The following ABLIM2 variants were observed in gnomAD, a reference collection of about 807,000 sequenced individuals.
ABLIM2 encodes actin-binding LIM protein 2.
Under a neutral mutation model 97.7 loss-of-function variants are expected in ABLIM2, and 53 were observed. The ratio of observed to expected loss-of-function variants is 0.54; its 90% CI spans 0.44 to 0.68. The LOEUF is 0.68. Among genes scored for constraint, ABLIM2 ranks in the 30% least tolerant of loss-of-function variants. ABLIM2 has a pLI of 0.00. For missense variants in ABLIM2, 835 were observed against 867.2 expected, an observed-to-expected ratio of 0.96 and a Z score of 0.47; for synonymous variants, 361 against 345.8, an observed-to-expected ratio of 1.04 and a Z score of -0.49.
In ABLIM2 at chr4:7,970,667, C is replaced by G. The variant is rs1727151725; in HGVS notation, c.1825-3564G>C. 6.6e-6 allele frequency among the ~76,000 whole-genome samples: 1 copy of G among 151,596 alleles called. No individual in the cohort carries two copies. Among genetic ancestry groups the G allele is most frequent in the Non-Finnish European group, 1.5e-5 (1 of 67,884 alleles). On this transcript the variant is annotated intron_variant, in intron 20 of 20. Transcript: ENST00000447017. The surrounding 1 kb of genome is among the most constrained non-coding windows in gnomAD (Gnocchi z 5.3). ...GAGGTGGGTGTGGGAAGCAGAGGTG[C>G]CCTTGGGGATGACTGTGGGGGGGCG...
At chr4:8,042,959 C>T (rs577049743) in intron 9 of ABLIM2, among the ~76,000 whole-genome samples, 13 of 151,970 alleles carry the variant, frequency 8.6e-5, no homozygotes, top group African/African-American at 2.9e-4. Context: ...AAGACCAGCC[C>T]GGGCAACATA....
chr4:8,019,544 G>A lies in ABLIM2; in HGVS notation c.1423+74C>T, dbSNP rs1772016909. The A allele has an allele frequency of 7.0e-7, 1 of 1,420,478 alleles. No homozygotes were observed. The highest frequency in any genetic ancestry group is 1.4e-5 in the African/African-American group (1 of 69,312). 88.0% of individuals were successfully genotyped at this position (1,420,478 alleles called of 1,614,324 possible). On this transcript the variant is annotated intron_variant, in intron 14 of 20. Transcript: ENST00000447017. The surrounding 1 kb of genome is among the most constrained non-coding windows in gnomAD (Gnocchi z 4.3). ...TGCATTTATCAGAACACAACAAAAG[G>A]ATGCATTCAGAAGCAGATGGGTATT...
At chr4:8,057,239 C>T (rs890616025) in intron 7 of ABLIM2, among the ~76,000 whole-genome samples, 3 of 151,954 alleles carry the variant, frequency 2.0e-5, no homozygotes, top group Non-Finnish European at 4.4e-5. Flanking sequence ...GCTGGGATTA[C>T]AGGCATGCGC....
chr4:8,074,089 CAAAAAAAAAAA>C (rs869080154), intron 6 of ABLIM2, among the ~76,000 whole-genome samples: 33 of 45,692 alleles, frequency 7.2e-4, no homozygotes, highest in African/African-American at 2.1e-3. Context: ...CTCTGTCTCA[CAAAAAAAAAAA>C]AAAAAAAAAA....
rs1194078622 is a variant in ABLIM2, at chr4:8,058,653, T to C, written c.763+2314A>G. Among the ~76,000 whole-genome samples, 1 of 152,162 alleles carries C rather than the reference T, an allele frequency of 6.6e-6. No homozygotes were observed. The highest frequency in any genetic ancestry group is 1.5e-5 in the Non-Finnish European group (1 of 68,022). On this transcript the variant is annotated intron_variant, in intron 7 of 20. Coordinates refer to ENST00000447017, the MANE Select transcript of ABLIM2 (RefSeq NM_001130083.2). The surrounding 1 kb of genome is among the most constrained non-coding windows in gnomAD (Gnocchi z 4.2). The stretch of plus-strand genomic sequence containing the variant: ...CAGCACATGGCCCCTGTCCCACCAG[T>C]GCTCGCTGGGACCAGACCCTTGGGT...
chr4:8,018,747 C>T (rs1771314210), intron 14 of ABLIM2, among the ~76,000 whole-genome samples: 1 of 152,222 alleles, frequency 6.6e-6, no homozygotes, highest in Admixed American at 6.5e-5. Context: ...GCTTTAGGTA[C>T]ATCTGGACAA....
At chr4:8,097,015 AG>A (rs1831986697) in intron 3 of ABLIM2, 83 bp downstream of exon 3, 1 of 1,457,300 alleles carries the variant, frequency 6.9e-7, no homozygotes, top group African/African-American at 1.4e-5. Flanking sequence ...GGGAGGGAGC[AG>A]GAGGAAGAAG....
At chr4:7,969,848 T>C (rs1305557145) in intron 20 of ABLIM2, among the ~76,000 whole-genome samples, 1 of 152,016 alleles carries the variant, frequency 6.6e-6, no homozygotes, top group Non-Finnish European at 1.5e-5. Context: ...AAAAGAATCC[T>C]GGTGCTTGCC....
chr4:8,136,127 A>T (rs1282682392), intron 1 of ABLIM2, among the ~76,000 whole-genome samples: 1 of 152,212 alleles, frequency 6.6e-6, no homozygotes, highest in Non-Finnish European at 1.5e-5. Flanking sequence ...CAGCCCTAAG[A>T]AGAAATAAAA....
intron 1 of ABLIM2, among the ~76,000 whole-genome samples, chr4:8,154,107 C>T (rs1255612888): frequency 2.6e-5 from 4 of 151,492 alleles, no homozygotes; most frequent in Admixed American, 1.3e-4. Context: ...GGTCTACAGG[C>T]ACCTGCCACC....
intron 20 of ABLIM2, among the ~76,000 whole-genome samples, chr4:7,982,454 T>A (rs541936136): frequency 6.6e-6 from 1 of 152,342 alleles, no homozygotes; most frequent in East Asian, 1.9e-4. Context: ...AGGGCGGTTG[T>A]GAGGAGTAAC....
At chr4:7,973,740 C>A (rs1231322300) in intron 20 of ABLIM2, among the ~76,000 whole-genome samples, 1 of 152,220 alleles carries the variant, frequency 6.6e-6, no homozygotes, top group Non-Finnish European at 1.5e-5. Flanking sequence ...AGTGTGAATC[C>A]ACGAGCCATG....
At chr4:8,030,933 C>T (rs1234718312) in intron 10 of ABLIM2, among the ~76,000 whole-genome samples, 1 of 152,196 alleles carries the variant, frequency 6.6e-6, no homozygotes, top group African/African-American at 2.4e-5. Flanking sequence ...AACAGCACCA[C>T]CAAGGCCCAC....
rs1578611719 is a variant in ABLIM2, at chr4:8,158,779, C to T, written c.-90G>A. Reference sequence around the variant, plus strand: ...TGCCGCGCCCGCGCTATCCTCCGCCCGCCCGCCGGCTCCGCGCCCGCTCCT... The same window carrying T: ...TGCCGCGCCCGCGCTATCCTCCGCCTGCCCGCCGGCTCCGCGCCCGCTCCT... On this transcript the variant is annotated 5_prime_UTR_variant, in exon 1 of 21. Transcript: ENST00000447017. The T allele has an allele frequency of 8.4e-7, 1 of 1,187,638 alleles. No homozygotes were observed. Among genetic ancestry groups the T allele is most frequent in the East Asian group, 3.4e-5 (1 of 29,396 alleles). 73.6% of individuals were successfully genotyped at this position (1,187,638 alleles called of 1,614,324 possible). A position where few individuals can be genotyped will look rare whatever the true frequency, so the allele number is the denominator to read the frequency against.
Position 8,044,547 on chromosome 4 carries a change from C to T in ABLIM2, c.900+617G>A, listed in dbSNP as rs1483739957. On this transcript the variant is annotated intron_variant, in intron 9 of 20. Coordinates refer to ENST00000447017, the MANE Select transcript of ABLIM2 (RefSeq NM_001130083.2). This position sits in a 1 kb window ranked among gnomAD's most constrained non-coding sequence, Gnocchi z 4.4. ...TAGAATAATCTCCCATCTCGAATCC[C>T]ACCACCCAGAGGAAATTTCTGGTAA... Among the ~76,000 whole-genome samples, 2 of 151,744 alleles carry T rather than the reference C, an allele frequency of 1.3e-5. No individual in the cohort carries two copies. Among genetic ancestry groups the T allele is most frequent in the Admixed American group, 6.6e-5 (1 of 15,222 alleles).
At position 8,150,608 on chromosome 4, in the gene ABLIM2, C is replaced by T. The variant is rs1026254520; in HGVS notation, c.10+8072G>A. ...TCCAGCACAGGGTGCGAGCTCCGTGCCGGAGGCGGGAGGAGCCACTGCTGC... is the reference window on the plus strand; with the variant it reads ...TCCAGCACAGGGTGCGAGCTCCGTGTCGGAGGCGGGAGGAGCCACTGCTGC... On this transcript the variant is annotated intron_variant, in intron 1 of 20. Transcript: ENST00000447017. This position sits in a 1 kb window ranked among gnomAD's most constrained non-coding sequence, Gnocchi z 6.3. 6.6e-6 allele frequency among the ~76,000 whole-genome samples: 1 copy of T among 152,220 alleles called. No homozygotes were observed. The highest frequency in any genetic ancestry group is 6.5e-5 in the Admixed American group (1 of 15,292).
intron 1 of ABLIM2, among the ~76,000 whole-genome samples, chr4:8,116,579 C>T (rs982240388): frequency 3.3e-5 from 5 of 152,194 alleles, no homozygotes; most frequent in African/African-American, 4.8e-5. Context: ...GTTGCACATC[C>T]GGGGACTATG....
chr4:7,988,646 AT>A (rs1303176352), intron 17 of ABLIM2, among the ~76,000 whole-genome samples: 1 of 152,252 alleles, frequency 6.6e-6, no homozygotes, highest in Non-Finnish European at 1.5e-5. Flanking sequence ...TAGAGCAGGA[AT>A]TGCTTTTTAA....
At chr4:8,145,139 G>A (rs1189074442) in intron 1 of ABLIM2, among the ~76,000 whole-genome samples, 3 of 152,078 alleles carry the variant, frequency 2.0e-5, no homozygotes, top group Admixed American at 1.3e-4. Flanking sequence ...CTACAGCCTC[G>A]CTCCTGTGCC....
Sources: gnomAD v4.1 joint callset for allele counts (sites outside exome capture counted in the v4.1 genomes callset) on GRCh38, gnomAD v4.1.1 for gene constraint, Gnocchi (gnomAD v3.1) non-coding constraint, MANE v1.5 for transcripts, NCBI Gene and HGNC (gene_info 2026-07-23, HGNC 2026-07-21) for gene names.